Variants in MSRA observed in about 807,000 individuals in gnomAD.
MSRA encodes mitochondrial peptide methionine sulfoxide reductase.
MSRA carries 54 observed loss-of-function variants against 31.3 expected under a neutral mutation model. The observed-to-expected ratio is 1.73, with a 90% CI of 1.39 to 2.17. The LOEUF is 2.17. Ranked by LOEUF, MSRA falls within the 30% of genes most tolerant of loss-of-function variation. MSRA has a pLI of 0.00. For missense variants in MSRA, 507 were observed against 300.9 expected (o/e 1.69, Z -5.07); for synonymous variants, 169 against 116.5 (o/e 1.45, Z -2.90).
intron 2 of MSRA, among the ~76,000 whole-genome samples, chr8:10,240,851 C>CA (rs1315319574): frequency 2.6e-5 from 4 of 152,236 alleles, no homozygotes; most frequent in Admixed American, 2.6e-4. Context: ...CCCCATCCCC[C>CA]AAATCGGCCT....
intron 2 of MSRA, among the ~76,000 whole-genome samples, chr8:10,219,730 C>T (rs544628680): frequency 7.2e-6 from 1 of 139,216 alleles, no homozygotes; most frequent in African/African-American, 2.8e-5. Context: ...GGGGTGAACC[C>T]GGGAGGCACA....
At chr8:10,264,874 A>G (rs1798666068) in intron 3 of MSRA, among the ~76,000 whole-genome samples, 1 of 152,192 alleles carries the variant, frequency 6.6e-6, no homozygotes. Context: ...AGCAAGGGCC[A>G]AATCGCAGGG....
intron 1 of MSRA, among the ~76,000 whole-genome samples, chr8:10,143,232 T>G (rs1257879827): frequency 6.6e-6 from 1 of 152,134 alleles, no homozygotes; most frequent in East Asian, 1.9e-4. Flanking sequence ...CATGTACTTA[T>G]CCCTCACATC....
chr8:10,174,356 G>C (rs369107818), intron 1 of MSRA, among the ~76,000 whole-genome samples: 5 of 152,214 alleles, frequency 3.3e-5, no homozygotes, highest in African/African-American at 1.2e-4. Flanking sequence ...GGCATGGCTA[G>C]GGGTGGACTC....
chr8:10,424,887 A>G (rs1394976754), intron 5 of MSRA, among the ~76,000 whole-genome samples: 1 of 152,222 alleles, frequency 6.6e-6, no homozygotes, highest in Non-Finnish European at 1.5e-5. Flanking sequence ...CTTGTGCCGC[A>G]CACAGCGGGG....
At chr8:10,097,891 T>C (rs1228721675) in intron 1 of MSRA, among the ~76,000 whole-genome samples, 1 of 152,162 alleles carries the variant, frequency 6.6e-6, no homozygotes, top group Non-Finnish European at 1.5e-5. Context: ...TGATAAATAC[T>C]AGCTATTATA....
chr8:10,329,514 C>G (rs1381157413), intron 5 of MSRA, among the ~76,000 whole-genome samples: 1 of 152,212 alleles, frequency 6.6e-6, no homozygotes, highest in African/African-American at 2.4e-5. Flanking sequence ...CGCATCTCAA[C>G]CCCCCTTATT....
intron 5 of MSRA, among the ~76,000 whole-genome samples, chr8:10,352,504 A>C (rs1804216242): frequency 2.0e-5 from 3 of 152,076 alleles, no homozygotes. Flanking sequence ...TGTTACTTTT[A>C]TGTTGGTGAA....
chr8:10,204,631 C>T (rs1455551452), intron 1 of MSRA, among the ~76,000 whole-genome samples: 1 of 152,210 alleles, frequency 6.6e-6, no homozygotes, highest in Non-Finnish European at 1.5e-5. Flanking sequence ...TGTGTAAGTG[C>T]ACTCTGTGTT....
At chr8:10,247,308 C>T (rs1797673517) in intron 3 of MSRA, among the ~76,000 whole-genome samples, 1 of 152,038 alleles carries the variant, frequency 6.6e-6, no homozygotes. Flanking sequence ...GCAGGAATCC[C>T]TCCCTCATTA....
chr8:10,417,917 G>T (rs1246088389), intron 5 of MSRA, among the ~76,000 whole-genome samples: 1 of 152,098 alleles, frequency 6.6e-6, no homozygotes, highest in Non-Finnish European at 1.5e-5. Context: ...CAGGCGTCCT[G>T]CTGCCGCTAG....
Position 10,214,158 on chromosome 8 carries a change from T to C in MSRA, c.211+6257T>C, listed in dbSNP as rs527404103. 4.6e-5 allele frequency among the ~76,000 whole-genome samples: 7 copies of C among 152,272 alleles called. No individual in the cohort carries two copies. The South Asian group carries it at 1.4e-3, about 32-fold the overall frequency. ...CCGAGGACTTAGGAAAATGTGTTTTTTGTCGCACGGCACATCTCTTTTGAC... is the reference window on the plus strand; with the variant it reads ...CCGAGGACTTAGGAAAATGTGTTTTCTGTCGCACGGCACATCTCTTTTGAC... On this transcript the variant is annotated intron_variant, in intron 2 of 5. Transcript: ENST00000317173.
chr8:10,082,835 T>C (rs144754638), intron 1 of MSRA, among the ~76,000 whole-genome samples: 2,363 of 152,318 alleles, frequency 0.016, 24 homozygotes, highest in Non-Finnish European at 0.021. Flanking sequence ...ACCTTATCCC[T>C]GGAGCACCCA....
intron 3 of MSRA, among the ~76,000 whole-genome samples, chr8:10,245,870 A>C (rs1797597928): frequency 6.6e-6 from 1 of 152,228 alleles, no homozygotes; most frequent in Non-Finnish European, 1.5e-5. Flanking sequence ...TGGCTCCCCA[A>C]AGGCAAGGAT....
intron 2 of MSRA, among the ~76,000 whole-genome samples, chr8:10,225,270 T>C (rs915377550): frequency 3.3e-5 from 5 of 152,258 alleles, no homozygotes; most frequent in African/African-American, 1.2e-4. Context: ...CCTTGAAGTC[T>C]CTGTGACTTT....
intron 2 of MSRA, among the ~76,000 whole-genome samples, chr8:10,215,617 C>T (rs931835890): frequency 3.9e-5 from 6 of 152,204 alleles, no homozygotes; most frequent in African/African-American, 1.2e-4. Context: ...TAGTTGAGAA[C>T]TCACCTAATA....
At chr8:10,273,964 G>C (rs1460101232) in intron 3 of MSRA, among the ~76,000 whole-genome samples, 1 of 152,128 alleles carries the variant, frequency 6.6e-6, no homozygotes, top group Non-Finnish European at 1.5e-5. Flanking sequence ...AGGAGGTGAG[G>C]ATAGGAGAGA....
chr8:10,096,124 T>A, intron 1 of MSRA: 1 of 1,277,964 alleles, frequency 7.8e-7, no homozygotes, highest in African/African-American at 1.5e-5. Context: ...TAAGATTTTA[T>A]GCAGCCCAGC....
rs146161744 is a variant in MSRA at position 10,388,902 on chromosome 8, A to T, written c.544-39246A>T. ...GCTACCCTGGTTGTGGCAACTAAAG[A>T]TGTCCCCTGGTCATTACCGAATGTC... On this transcript the variant is annotated intron_variant, in intron 5 of 5. Coordinates refer to ENST00000317173, the MANE Select transcript of MSRA (RefSeq NM_012331.5). 5.8e-4 allele frequency among the ~76,000 whole-genome samples: 88 copies of T among 151,648 alleles called. 1 individual carries two copies. The highest frequency in any genetic ancestry group is 2.1e-3 in the African/African-American group (87 of 41,318).
Sources: gnomAD v4.1 joint callset for allele counts (sites outside exome capture counted in the v4.1 genomes callset) on GRCh38, gnomAD v4.1.1 for gene constraint, MANE v1.5 for transcripts, NCBI Gene and HGNC (gene_info 2026-07-23, HGNC 2026-07-21) for gene names.